The following PARD3B variants were observed in gnomAD, a reference collection of about 807,000 sequenced individuals.
The protein encoded by PARD3B is partitioning defective 3 homolog B.
In PARD3B, 103 loss-of-function variants were observed where a neutral mutation model predicts 130.2. That is an observed-to-expected ratio of 0.79 (90% CI 0.67 to 0.93). The LOEUF (loss-of-function observed/expected upper bound fraction) is 0.93. Among genes scored for constraint, PARD3B ranks in the 40% least tolerant of loss-of-function variants. PARD3B has a pLI of 0.00. For missense variants in PARD3B, 1,609 were observed against 1,499.2 expected (o/e 1.07, Z -1.21); for synonymous variants, 583 against 553.2 (o/e 1.05, Z -0.76).
At chr2:204,916,402 T>C (rs774630184) in intron 2 of PARD3B, among the ~76,000 whole-genome samples, 2 of 151,598 alleles carry the variant, frequency 1.3e-5, no homozygotes, top group Non-Finnish European at 1.5e-5. Context: ...ATTAACAAAA[T>C]AGTAGATTCT....
intron 21 of PARD3B, among the ~76,000 whole-genome samples, chr2:205,544,380 CT>C (rs1281204961): frequency 6.6e-6 from 1 of 151,880 alleles, no homozygotes; most frequent in East Asian, 1.9e-4. Flanking sequence ...ATGTCTGGCT[CT>C]TTAATTAAAG....
chr2:205,425,389 G>A (rs544083341), intron 19 of PARD3B, among the ~76,000 whole-genome samples: 12 of 152,248 alleles, frequency 7.9e-5, no homozygotes, highest in African/African-American at 2.9e-4. Flanking sequence ...AATGTAAATT[G>A]CAATAGTTGG....
chr2:205,319,844 T>C (rs2042688254), intron 18 of PARD3B, among the ~76,000 whole-genome samples: 1 of 152,220 alleles, frequency 6.6e-6, no homozygotes, highest in Non-Finnish European at 1.5e-5. Flanking sequence ...TTAATGTTTT[T>C]TCTCCTGTAG....
intron 16 of PARD3B, among the ~76,000 whole-genome samples, chr2:205,257,699 A>G (rs2040148421): frequency 6.6e-6 from 1 of 152,224 alleles, no homozygotes; most frequent in Non-Finnish European, 1.5e-5. Context: ...AAACTGAGTT[A>G]TTTTTAAGGA....
At chr2:205,369,495 C>T (rs1293019177) in intron 18 of PARD3B, among the ~76,000 whole-genome samples, 2 of 152,174 alleles carry the variant, frequency 1.3e-5, no homozygotes, top group East Asian at 1.9e-4. Context: ...AGCCTACGGG[C>T]GCCTTCGTGT....
intron 15 of PARD3B, among the ~76,000 whole-genome samples, chr2:205,240,992 C>T (rs1234240932): frequency 6.6e-6 from 1 of 152,042 alleles, no homozygotes; most frequent in Non-Finnish European, 1.5e-5. Context: ...AGATTTTTTC[C>T]CCTGTATTTT....
At chr2:204,873,746 C>T (rs1489515496) in intron 2 of PARD3B, among the ~76,000 whole-genome samples, 1 of 152,056 alleles carries the variant, frequency 6.6e-6, no homozygotes, top group Non-Finnish European at 1.5e-5. Flanking sequence ...CCTGAGTCCA[C>T]GTAATGATTC....
At chr2:205,320,030 T>TAA (rs1468147048) in intron 18 of PARD3B, among the ~76,000 whole-genome samples, 1 of 151,890 alleles carries the variant, frequency 6.6e-6, no homozygotes, top group African/African-American at 2.4e-5. Flanking sequence ...TACCCAAATG[T>TAA]GGTGGCATGC....
intron 3 of PARD3B, among the ~76,000 whole-genome samples, chr2:205,033,707 C>T (rs1242999775): frequency 6.6e-6 from 1 of 152,200 alleles, no homozygotes; most frequent in Non-Finnish European, 1.5e-5. Flanking sequence ...TAAAATTCAG[C>T]TCATCCACAG....
Position 205,086,491 on chromosome 2 carries a change from T to C in PARD3B, c.505-17935T>C, listed in dbSNP as rs1471371193. ...GCATCCATTCACACCTAGTTCTGCA[T>C]GGTTTCAGTTGCTTCTCTGTCAATT... is the stretch of plus-strand genomic sequence containing the variant. On this transcript the variant is annotated intron_variant, in intron 4 of 22. Transcript: ENST00000406610. 2.6e-5 allele frequency among the ~76,000 whole-genome samples: 4 copies of C among 152,354 alleles called. No homozygotes were observed. The East Asian group carries it at 5.8e-4, about 22-fold the overall frequency.
rs550556896 is a variant in PARD3B, at chr2:205,405,392, G to A, written c.2741+4269G>A. 5.3e-4 allele frequency among the ~76,000 whole-genome samples: 80 copies of A among 152,282 alleles called. No homozygotes were observed. The highest frequency in any genetic ancestry group is 1.8e-3 in the African/African-American group (76 of 41,554). On this transcript the variant is annotated intron_variant, in intron 19 of 22. Transcript: ENST00000406610. The surrounding 1 kb of genome is among the most constrained non-coding windows in gnomAD (Gnocchi z 4.1). ...AATCATCCAACCCAAAATGTCAATA[G>A]TACAGAGTCTGAGAAACCCTTTTAT... is the stretch of plus-strand genomic sequence containing the variant.
At chr2:205,216,035 A>T (rs911326852) in intron 15 of PARD3B, among the ~76,000 whole-genome samples, 2 of 152,100 alleles carry the variant, frequency 1.3e-5, no homozygotes, top group East Asian at 3.9e-4. Flanking sequence ...ATATATAATC[A>T]TGTACGATGT....
chr2:204,817,005 C>T lies in PARD3B; in HGVS notation c.222+130723C>T, dbSNP rs116106321. Among the ~76,000 whole-genome samples, 479 of 152,158 alleles carry T rather than the reference C, an allele frequency of 3.1e-3. 3 individuals carry two copies. The highest frequency in any genetic ancestry group is 0.011 in the African/African-American group (451 of 41,538). ...ATCTTTTCCTTCTACAATGTCTAAC[C>T]TGCTGTTCATTCCACCCAGTGCATT... On this transcript the variant is annotated intron_variant, in intron 2 of 22. Coordinates refer to ENST00000406610, the MANE Select transcript of PARD3B (RefSeq NM_001302769.2).
chr2:205,583,862 C>T (rs1286624067), intron 22 of PARD3B, among the ~76,000 whole-genome samples: 1 of 152,170 alleles, frequency 6.6e-6, no homozygotes, highest in Non-Finnish European at 1.5e-5. Context: ...GGCCTATCTT[C>T]TAACTCTGTC....
chr2:204,932,224 C>T (rs1386557813), intron 2 of PARD3B, among the ~76,000 whole-genome samples: 10 of 152,012 alleles, frequency 6.6e-5, no homozygotes, highest in Admixed American at 6.6e-4. Flanking sequence ...AATCATGGCT[C>T]AAAGTATTGT....
chr2:204,905,182 C>T (rs965866378), intron 2 of PARD3B, among the ~76,000 whole-genome samples: 2 of 152,190 alleles, frequency 1.3e-5, no homozygotes, highest in African/African-American at 4.8e-5. Flanking sequence ...GTTTCCCCTA[C>T]CTCCTTCAAG....
chr2:205,360,857 G>A (rs1046398983), intron 18 of PARD3B, among the ~76,000 whole-genome samples: 1 of 152,190 alleles, frequency 6.6e-6, no homozygotes, highest in African/African-American at 2.4e-5. Flanking sequence ...AAGTTCTTCT[G>A]CATATATGAA....
chr2:204,563,217 G>GTGTCTCTC (rs2031435752), intron 1 of PARD3B, among the ~76,000 whole-genome samples: 1 of 86,598 alleles, frequency 1.2e-5, no homozygotes, highest in Non-Finnish European at 2.2e-5. Context: ...TCTTCCCGCT[G>GTGTCTCTC]TCTCTCTCTC....
At chr2:204,976,554 G>T (rs1305685694) in intron 3 of PARD3B, among the ~76,000 whole-genome samples, 1 of 150,640 alleles carries the variant, frequency 6.6e-6, no homozygotes, top group Non-Finnish European at 1.5e-5. Context: ...TATTTATTAT[G>T]GATCATTTGG....
Sources: gnomAD v4.1 joint callset for allele counts (sites outside exome capture counted in the v4.1 genomes callset) on GRCh38, gnomAD v4.1.1 for gene constraint, Gnocchi (gnomAD v3.1) non-coding constraint, MANE v1.5 for transcripts, NCBI Gene and HGNC (gene_info 2026-07-23, HGNC 2026-07-21) for gene names.